Variants in CACNA1C observed in about 807,000 individuals in gnomAD.
The protein encoded by CACNA1C is calcium voltage-gated channel subunit alpha1 C.
CACNA1C carries 30 observed loss-of-function variants against 229.0 expected under a neutral mutation model. That is an observed-to-expected ratio of 0.13 (90% confidence interval 0.10 to 0.18). The LOEUF is 0.18. Ranked by LOEUF, CACNA1C falls within the 10% of genes least tolerant of loss-of-function variation. The pLI is 1.00. For synonymous variants in CACNA1C, 1,114 were observed against 1,132.5 expected (o/e 0.98, Z 0.33); for missense variants, 1,658 against 2,845.0 (o/e 0.58, Z 9.49).
At chr12:2,555,137 A>C (rs1330174727) in intron 10 of CACNA1C, among the ~76,000 whole-genome samples, 1 of 152,228 alleles carries the variant, frequency 6.6e-6, no homozygotes, top group Non-Finnish European at 1.5e-5. Context: ...TGCTTGAAGC[A>C]GGACCTCCTT....
chr12:2,011,132 T>TA (rs1441257363), intron 1 of CACNA1C: 1 of 95,812 alleles, frequency 1.0e-5, no homozygotes, highest in Admixed American at 1.6e-4. Flanking sequence ...GCCTGGGAGA[T>TA]AAGAGCGAAA....
At chr12:2,025,432 T>C (rs1307202518) in intron 1 of CACNA1C, among the ~76,000 whole-genome samples, 1 of 152,110 alleles carries the variant, frequency 6.6e-6, no homozygotes, top group Non-Finnish European at 1.5e-5. Context: ...TGGTCACCTT[T>C]TCCCGTTCCA....
At chr12:2,094,124 G>C (rs1322057182) in intron 1 of CACNA1C, among the ~76,000 whole-genome samples, 1 of 152,240 alleles carries the variant, frequency 6.6e-6, no homozygotes, top group Non-Finnish European at 1.5e-5. Context: ...GAAAGGCAAA[G>C]GCAGGAAGGC....
intron 27 of CACNA1C, among the ~76,000 whole-genome samples, chr12:2,609,581 G>T (rs2076741317): frequency 6.7e-6 from 1 of 149,580 alleles, no homozygotes. Flanking sequence ...CTAGTATCCG[G>T]TTAATGATGG....
chr12:2,512,789 G>T lies in CACNA1C; in HGVS notation c.1218-23G>T. The T allele has an allele frequency of 6.3e-7, 1 of 1,591,916 alleles. No individual in the cohort carries two copies. The highest frequency in any genetic ancestry group is 1.2e-5 in the South Asian group (1 of 86,566). ...CTCCTTCTCTGTGCTCTCCTGCCCT[G>T]CCCCTCCTCTCACTCTCACCAGAGA... is the stretch of plus-strand genomic sequence containing the variant. On this transcript the variant is annotated intron_variant, in intron 8 of 46. Transcript: ENST00000399655. This position sits in a 1 kb window ranked among gnomAD's most constrained non-coding sequence, Gnocchi z 4.3.
rs74060007 is a variant in CACNA1C at position 2,034,303 on chromosome 12, G to T, written c.139+63102G>T. Among the ~76,000 whole-genome samples the T allele has an allele frequency of 9.9e-3, 1,503 of 152,296 alleles. 22 individuals carry two copies. The highest frequency in any genetic ancestry group is 0.034 in the African/African-American group (1,406 of 41,556). On this transcript the variant is annotated intron_variant, in intron 1 of 46. Coordinates refer to the CACNA1C transcript ENST00000682462. The surrounding 1 kb of genome is among the most constrained non-coding windows in gnomAD (Gnocchi z 4.1). ...GTGTTCCTTTTTGTAAGCCTCCCTG[G>T]TGTGTGGAAGGGAGTACACTTTCTC...
intron 3 of CACNA1C, among the ~76,000 whole-genome samples, chr12:2,220,190 G>A (rs1393425120): frequency 1.3e-5 from 2 of 152,132 alleles, no homozygotes; most frequent in African/African-American, 4.8e-5. Flanking sequence ...GATATGTGCT[G>A]GAATACTGAC....
intron 3 of CACNA1C, among the ~76,000 whole-genome samples, chr12:2,213,831 G>T (rs1258368041): frequency 6.6e-6 from 1 of 152,224 alleles, no homozygotes; most frequent in African/African-American, 2.4e-5. Flanking sequence ...TGCTGCTCTC[G>T]CACTGCCCCT....
chr12:1,990,970 T>C, intron 1 of CACNA1C: 1 of 369,888 alleles, frequency 2.7e-6, no homozygotes, highest in Non-Finnish European at 5.1e-6. Flanking sequence ...GCAATCAGTA[T>C]CAGATAGAAA....
intron 3 of CACNA1C, among the ~76,000 whole-genome samples, chr12:2,201,802 A>G (rs906284095): frequency 3.3e-5 from 5 of 152,168 alleles, no homozygotes; most frequent in Admixed American, 3.3e-4. Flanking sequence ...AGACTCCGCC[A>G]TGCTTCATTG....
intron 38 of CACNA1C, among the ~76,000 whole-genome samples, chr12:2,671,976 T>TA (rs2096590057): frequency 6.6e-6 from 1 of 152,016 alleles, no homozygotes; most frequent in African/African-American, 2.4e-5. Flanking sequence ...ACAAACTTGT[T>TA]AAAATCCTAA....
chr12:2,674,505 C>T (rs1316465110), intron 38 of CACNA1C, 36 bp from the exon 39 acceptor site: 1 of 1,545,388 alleles, frequency 6.5e-7, no homozygotes, highest in Admixed American at 2.0e-5. Context: ...CCATCAGAGG[C>T]CCACCAAGGG....
intron 28 of CACNA1C, among the ~76,000 whole-genome samples, chr12:2,611,394 C>T (rs917091735): frequency 1.5e-5 from 2 of 132,414 alleles, no homozygotes; most frequent in African/African-American, 2.9e-5. Context: ...GAGGGATGAG[C>T]TGGATGCATT....
intron 3 of CACNA1C, among the ~76,000 whole-genome samples, chr12:2,350,432 A>G (rs2097171881): frequency 1.3e-5 from 2 of 152,222 alleles, no homozygotes; most frequent in African/African-American, 4.8e-5. Context: ...GCACACACAA[A>G]TAGTGATGTT....
chr12:2,003,326 A>G (rs1233983579), intron 1 of CACNA1C, among the ~76,000 whole-genome samples: 1 of 152,244 alleles, frequency 6.6e-6, no homozygotes, highest in African/African-American at 2.4e-5. Flanking sequence ...GAAGAACACA[A>G]AAAGTTTATC....
chr12:2,050,076 A>G (rs142873032), upstream of CACNA1C, among the ~76,000 whole-genome samples: 1,121 of 152,116 alleles, frequency 7.4e-3, 10 homozygotes, highest in African/African-American at 0.026. Context: ...CCTGCACGTG[A>G]CCCCCTAACA....
intron 10 of CACNA1C, 145 bp downstream of exon 10, chr12:2,550,178 A>G (rs2099895377): frequency 1.4e-6 from 1 of 692,020 alleles, no homozygotes; most frequent in African/African-American, 1.8e-5. Context: ...TCAGGTGGGA[A>G]CCAAGATGGG....
chr12:2,622,855 G>A (rs1197535641), intron 29 of CACNA1C, among the ~76,000 whole-genome samples: 1 of 152,152 alleles, frequency 6.6e-6, no homozygotes, highest in Non-Finnish European at 1.5e-5. Context: ...AAGTCTGGCC[G>A]GCTCAGTTTT....
In CACNA1C at chr12:2,597,368, C is replaced by T; in HGVS notation, c.2853+79C>T. ...TCTCTGCCGCTGTCTGTCGCTAACA[C>T]ACATGCTCCTTCCTGTTGGTGTGGG... On this transcript the variant is annotated intron_variant, in intron 21 of 46. Transcript: ENST00000399655. The surrounding 1 kb of genome is among the most constrained non-coding windows in gnomAD (Gnocchi z 4.3). 2.0e-6 allele frequency: 3 copies of T among 1,496,006 alleles called. No individual in the cohort carries two copies. The highest frequency in any genetic ancestry group is 2.8e-6 in the Non-Finnish European group (3 of 1,072,402). 92.7% of individuals were successfully genotyped at this position (1,496,006 alleles called of 1,614,324 possible). A position where few individuals can be genotyped will look rare whatever the true frequency, so the allele number is the denominator to read the frequency against.
Sources: allele counts gnomAD v4.1 joint callset (sites outside exome capture counted in the v4.1 genomes callset), GRCh38; gene constraint gnomAD v4.1.1; non-coding constraint Gnocchi (gnomAD v3.1); transcripts MANE v1.5; gene names NCBI Gene and HGNC (gene_info 2026-07-23, HGNC 2026-07-21).